PDXDC1: variants seen among roughly 807,000 people sequenced by gnomAD.
PDXDC1 encodes pyridoxal-dependent decarboxylase domain-containing protein 1.
Under a neutral mutation model 100.1 loss-of-function variants are expected in PDXDC1, and 42 were observed. The ratio of observed to expected loss-of-function variants is 0.42; its 90% confidence interval spans 0.33 to 0.54. The LOEUF (loss-of-function observed/expected upper bound fraction) is 0.54, where lower values mean the gene tolerates loss of function less well. Ranked by LOEUF, PDXDC1 falls within the 20% of genes least tolerant of loss-of-function variation. PDXDC1 has a pLI of 0.10. For missense variants in PDXDC1, 636 were observed against 979.2 expected, an observed-to-expected ratio of 0.65 and a Z score of 4.68; for synonymous variants, 260 against 371.7, an observed-to-expected ratio of 0.70 and a Z score of 3.46.
chr16:15,128,049 G>C (rs1283476920), intron 16 of PDXDC1: 4 of 1,604,868 alleles, frequency 2.5e-6, no homozygotes, highest in South Asian at 1.1e-5. Context: ...TCCACCGAAA[G>C]CCAGTCATTG....
intron 16 of PDXDC1, among the ~76,000 whole-genome samples, chr16:15,050,552 G>A (rs2044254445): frequency 6.6e-6 from 1 of 152,056 alleles, no homozygotes; most frequent in African/African-American, 2.4e-5. Flanking sequence ...GGGCAACAAG[G>A]AAGATCCTGT....
At chr16:15,117,530 T>C (rs572008539) in intron 16 of PDXDC1, among the ~76,000 whole-genome samples, 148 of 151,532 alleles carry the variant, frequency 9.8e-4, no homozygotes, top group Non-Finnish European at 1.7e-3. Flanking sequence ...GGTGGTCTAC[T>C]AAAAATACAC....
chr16:15,142,925 C>G (rs1226219627), downstream of PDXDC1, among the ~76,000 whole-genome samples: 2 of 152,124 alleles, frequency 1.3e-5, no homozygotes, highest in Non-Finnish European at 2.9e-5. Context: ...GTGCAGGGTC[C>G]TCTGGGGTCC....
At chr16:15,009,508 A>C in intron 7 of PDXDC1, 173 bp from the exon 8 acceptor site, 2 of 1,089,212 alleles carry the variant, frequency 1.8e-6, no homozygotes, top group South Asian at 4.1e-5. Flanking sequence ...GTCTTCAAGG[A>C]AAACTATTTG....
the PDXDC1 span, among the ~76,000 whole-genome samples, chr16:15,145,433 T>C: frequency 6.6e-6 from 1 of 152,246 alleles, no homozygotes; most frequent in African/African-American, 2.4e-5. Flanking sequence ...AGCGCTGGCC[T>C]CATTCCTGCC....
chr16:15,031,011 T>C (rs566401989), intron 16 of PDXDC1, among the ~76,000 whole-genome samples: 1 of 150,232 alleles, frequency 6.7e-6, no homozygotes, highest in South Asian at 2.1e-4. Context: ...GAATGCAGTG[T>C]CTTCACCATA....
chr16:15,066,608 G>C (rs188688600), intron 16 of PDXDC1, among the ~76,000 whole-genome samples: 124 of 151,356 alleles, frequency 8.2e-4, no homozygotes, highest in Non-Finnish European at 1.2e-3. Flanking sequence ...ACTCCAGCCT[G>C]GGTGACAGAG....
At chr16:15,092,687 A>G in intron 16 of PDXDC1, 1 of 1,018,572 alleles carries the variant, frequency 9.8e-7, no homozygotes, top group South Asian at 1.3e-5. Context: ...CATTTATTGA[A>G]CCAACATAAT....
chr16:15,026,888 G>GT (rs1462515651), intron 14 of PDXDC1, among the ~76,000 whole-genome samples, 182 bp downstream of exon 14: 1 of 152,310 alleles, frequency 6.6e-6, no homozygotes, highest in African/African-American at 2.4e-5. Context: ...TTTGCTGATA[G>GT]TTTGCGGTGA....
chr16:15,054,663 G>C (rs1368635729), intron 16 of PDXDC1, among the ~76,000 whole-genome samples: 1 of 152,142 alleles, frequency 6.6e-6, no homozygotes, highest in African/African-American at 2.4e-5. Flanking sequence ...GTAAGTCCTT[G>C]TCACCCTTCA....
chr16:15,034,467 G>T lies in PDXDC1; in HGVS notation c.1916G>T (p.Arg639Leu). 6.2e-7 allele frequency: 1 copy of T among 1,614,086 alleles called. No homozygotes were observed. The highest frequency in any genetic ancestry group is 8.5e-7 in the Non-Finnish European group (1 of 1,179,988). Residue 639 changes from arginine to leucine, a missense_variant, in exon 21 of 23, where the codon CGG becomes CTG. Arg to Leu is a moderately radical substitution (Grantham distance 102). This residue lies in a region of PDXDC1 where 452 missense variants were observed against 402.9 expected (regional missense o/e 1.12). Transcript: ENST00000396410. ...EERLLEEGVL[R>L]QIPVVGSVLN... ...GGTCCTGTCTTGCAGGGGGTGTTGCGGCAGATCCCTGTAGTGGGCTCCGTG... is the reference window on the plus strand; with the variant it reads ...GGTCCTGTCTTGCAGGGGGTGTTGCTGCAGATCCCTGTAGTGGGCTCCGTG...
intron 16 of PDXDC1, among the ~76,000 whole-genome samples, chr16:15,083,963 G>A (rs1474313650): frequency 1.6e-4 from 25 of 152,274 alleles, no homozygotes; most frequent in African/African-American, 3.9e-4. Context: ...TGATCCGCCC[G>A]CCTCGGCCTC....
chr16:15,064,785 G>A lies in PDXDC1; in HGVS notation c.1399+34729G>A, dbSNP rs557190097. Among the ~76,000 whole-genome samples, 8 of 152,322 alleles carry A rather than the reference G, an allele frequency of 5.3e-5. No individual in the cohort carries two copies. In the South Asian group the frequency reaches 1.2e-3, roughly 24 times the overall value. ...GGTGAAATATACGCAGGGAGACCAC[G>A]AGATGCTCATCAACAGCGAGGAAGG... On this transcript the variant is annotated intron_variant, in intron 16 of 16. Transcript: ENST00000535621.
intron 16 of PDXDC1, chr16:15,136,772 G>A: frequency 2.5e-6 from 4 of 1,578,822 alleles, no homozygotes; most frequent in East Asian, 2.2e-5. Context: ...TGGGAATGAG[G>A]GTGTCAACGG....
Position 15,033,331 on chromosome 16 carries a change from A to G in PDXDC1, c.1744A>G (p.Asn582Asp), listed in dbSNP as rs759167258. ...SCLYVGMASD[N>D]VDAAELVETI... Reference sequence around the variant, plus strand: ...CCTTTATGTCGGCATGGCGAGCGACAACGTCGATGCTGCTGAGCTCGTGGA... The same window carrying G: ...CCTTTATGTCGGCATGGCGAGCGACGACGTCGATGCTGCTGAGCTCGTGGA... The change falls in exon 19 of 23, where the codon AAC becomes GAC. Residue 582 changes from asparagine (N) to aspartate (D), a missense_variant. Around this residue, in one of 4 missense-constraint regions of PDXDC1, gnomAD observed 452 missense variants for 402.9 expected, o/e 1.12. Coordinates refer to ENST00000396410, the MANE Select transcript of PDXDC1 (RefSeq NM_015027.4). 2.5e-6 allele frequency: 4 copies of G among 1,614,070 alleles called. No individual in the cohort carries two copies. Among genetic ancestry groups the G allele is most frequent in the Admixed American group, 3.3e-5 (2 of 60,010 alleles).
At chr16:15,059,830 G>C (rs927507593) in intron 16 of PDXDC1, among the ~76,000 whole-genome samples, 2 of 152,126 alleles carry the variant, frequency 1.3e-5, no homozygotes, top group African/African-American at 4.8e-5. Context: ...TTTGCTGGGT[G>C]TGATTAAGGA....
intron 16 of PDXDC1, among the ~76,000 whole-genome samples, chr16:15,053,773 T>C (rs2044388270): frequency 6.6e-6 from 1 of 152,098 alleles, no homozygotes; most frequent in African/African-American, 2.4e-5. Context: ...TAGCTGGGTG[T>C]GGTGGCATGC....
chr16:15,078,084 T>C (rs572945215), intron 16 of PDXDC1, among the ~76,000 whole-genome samples: 50 of 152,316 alleles, frequency 3.3e-4, no homozygotes, highest in African/African-American at 1.1e-3. Context: ...ATGCCATTTT[T>C]TATTATCTAT....
chr16:15,124,773 A>G (rs1187426555), intron 16 of PDXDC1, among the ~76,000 whole-genome samples: 53 of 151,570 alleles, frequency 3.5e-4, no homozygotes, highest in Non-Finnish European at 4.4e-5. Flanking sequence ...CTCTGTCTCA[A>G]AAACAGCAAC....
Sources: gnomAD v4.1 joint callset for allele counts (sites outside exome capture counted in the v4.1 genomes callset) on GRCh38, gnomAD v4.1.1 for gene constraint, gnomAD v4.1.1 regional missense constraint, MANE v1.5 for transcripts, NCBI Gene and HGNC (gene_info 2026-07-23, HGNC 2026-07-21) for gene names.